The following CSMD1 variants were observed in gnomAD, a reference collection of about 807,000 sequenced individuals.
CSMD1 encodes the protein CUB and sushi domain-containing protein 1.
A neutral mutation model predicts 417.5 loss-of-function variants in CSMD1; 213 were observed. The observed-to-expected ratio is 0.51, with a 90% CI of 0.46 to 0.57. The LOEUF (loss-of-function observed/expected upper bound fraction) is 0.57, where lower values mean the gene tolerates loss of function less well. Among genes scored for constraint, CSMD1 ranks in the 20% least tolerant of loss-of-function variants. CSMD1 has a pLI of 0.00. For missense variants in CSMD1, 6,923 were observed against 4,529.7 expected, an observed-to-expected ratio of 1.53 and a Z score of -15.17; for synonymous variants, 2,862 against 1,736.8, an observed-to-expected ratio of 1.65 and a Z score of -16.11.
chr8:2,985,406 C>T lies in CSMD1; in HGVS notation c.8378-6606G>A, dbSNP rs537461013. Among the ~76,000 whole-genome samples, 51 of 150,316 alleles carry T rather than the reference C, an allele frequency of 3.4e-4. 1 individual carries two copies. Among genetic ancestry groups the T allele is most frequent in the Non-Finnish European group, 5.1e-4 (34 of 67,134 alleles). On this transcript the variant is annotated intron_variant, in intron 54 of 69. Transcript: ENST00000635120. ...GTGATACTGCTACACTGCTTCACCA[C>T]GTGAGGGAGGAGACTGGTGTGATAC... is the stretch of plus-strand genomic sequence containing the variant.
Position 3,697,766 on chromosome 8 carries a change from A to G in CSMD1, c.1009+10648T>C, listed in dbSNP as rs771338485. ...ATTTGATGAAAATTCATGTGTTACA[A>G]TGCACTTCTAAAAAGTAGTGATGGA... On this transcript the variant is annotated intron_variant, in intron 7 of 69. Transcript: ENST00000635120. Among the ~76,000 whole-genome samples, 15 of 152,282 alleles carry G rather than the reference A, an allele frequency of 9.9e-5. 1 individual carries two copies. Among genetic ancestry groups the G allele is most frequent in the Non-Finnish European group, 1.3e-4 (9 of 68,018 alleles).
At chr8:4,799,707 T>C (rs975612433) in intron 1 of CSMD1, among the ~76,000 whole-genome samples, 8 of 150,892 alleles carry the variant, frequency 5.3e-5, no homozygotes, top group African/African-American at 1.7e-4. Flanking sequence ...CAATACAATA[T>C]TTATTAAAAA....
chr8:3,992,188 T>C (rs910153992), intron 5 of CSMD1, among the ~76,000 whole-genome samples: 5 of 150,752 alleles, frequency 3.3e-5, no homozygotes, highest in Non-Finnish European at 7.4e-5. Flanking sequence ...TATAAATATA[T>C]TTACATTCAT....
At chr8:3,823,423 T>C (rs1018850915) in intron 5 of CSMD1, among the ~76,000 whole-genome samples, 2 of 152,162 alleles carry the variant, frequency 1.3e-5, no homozygotes, top group Non-Finnish European at 2.9e-5. Context: ...ATATTTCTTA[T>C]GCAAAATTTA....
At chr8:3,672,361 C>T (rs564116997) in intron 7 of CSMD1, among the ~76,000 whole-genome samples, 18 of 149,962 alleles carry the variant, frequency 1.2e-4, no homozygotes, top group South Asian at 4.2e-4. Context: ...TAGTGTGTGT[C>T]GGCATTTAGA....
At chr8:3,545,441 G>T (rs1481389782) in intron 10 of CSMD1, among the ~76,000 whole-genome samples, 2 of 152,148 alleles carry the variant, frequency 1.3e-5, no homozygotes, top group Admixed American at 1.3e-4. Flanking sequence ...CTGAAAAGCA[G>T]GTGCAAAACA....
intron 12 of CSMD1, among the ~76,000 whole-genome samples, chr8:3,465,760 G>A (rs77776397): frequency 0.016 from 2,360 of 152,218 alleles, 60 homozygotes; most frequent in African/African-American, 0.053. Context: ...TCTTAGGATG[G>A]AGTCTCAGAA....
chr8:2,961,816 A>T (rs918357712), intron 61 of CSMD1, among the ~76,000 whole-genome samples: 1 of 152,202 alleles, frequency 6.6e-6, no homozygotes, highest in Non-Finnish European at 1.5e-5. Flanking sequence ...ATCTAGAGTG[A>T]CTAACCTTCT....
intron 52 of CSMD1, among the ~76,000 whole-genome samples, chr8:3,003,682 G>T (rs1003248006): frequency 6.6e-6 from 1 of 152,214 alleles, no homozygotes; most frequent in Admixed American, 6.5e-5. Flanking sequence ...CAGAGGAGCA[G>T]CTGTCACGTG....
At chr8:3,452,306 A>T (rs543995973) in intron 12 of CSMD1, among the ~76,000 whole-genome samples, 2 of 152,250 alleles carry the variant, frequency 1.3e-5, no homozygotes, top group Non-Finnish European at 2.9e-5. Flanking sequence ...AATACCCTTT[A>T]TTTCCTTCTC....
At chr8:4,037,216 G>T (rs917830152) in intron 3 of CSMD1, among the ~76,000 whole-genome samples, 1 of 152,170 alleles carries the variant, frequency 6.6e-6, no homozygotes, top group Non-Finnish European at 1.5e-5. Flanking sequence ...TTTTGTAGAT[G>T]TTTTCTATGA....
chr8:4,881,280 T>G (rs1803379129), intron 1 of CSMD1, among the ~76,000 whole-genome samples: 4 of 152,158 alleles, frequency 2.6e-5, no homozygotes, highest in Admixed American at 2.6e-4. Flanking sequence ...ATTGCCAGAC[T>G]GTGCCCTCTA....
At chr8:4,442,343 A>T (rs1798534257) in intron 2 of CSMD1, among the ~76,000 whole-genome samples, 1 of 152,146 alleles carries the variant, frequency 6.6e-6, no homozygotes, top group African/African-American at 2.4e-5. Flanking sequence ...CTCCTTCCAA[A>T]CTATCCCATT....
intron 1 of CSMD1, among the ~76,000 whole-genome samples, chr8:4,790,595 C>T (rs572009503): frequency 8.5e-5 from 13 of 152,296 alleles, no homozygotes; most frequent in Middle Eastern, 6.8e-3. Context: ...AACCAAGCTA[C>T]AGTAACTAAA....
intron 5 of CSMD1, among the ~76,000 whole-genome samples, chr8:3,892,688 G>C (rs1275959447): frequency 2.0e-5 from 3 of 149,996 alleles, no homozygotes; most frequent in Non-Finnish European, 3.0e-5. Context: ...GAATTAAGTA[G>C]GCACTTATTT....
At chr8:4,280,268 A>T (rs754522687) in intron 3 of CSMD1, among the ~76,000 whole-genome samples, 58 of 152,334 alleles carry the variant, frequency 3.8e-4, no homozygotes, top group Non-Finnish European at 6.5e-4. Flanking sequence ...GCAGTATTTG[A>T]TATTAGCACG....
intron 7 of CSMD1, among the ~76,000 whole-genome samples, chr8:3,622,061 T>G (rs1167700252): frequency 6.6e-6 from 1 of 151,958 alleles, no homozygotes; most frequent in Non-Finnish European, 1.5e-5. Context: ...CTCTACTACT[T>G]TTCTCTTCAA....
At chr8:4,135,474 C>T (rs187801251) in intron 3 of CSMD1, among the ~76,000 whole-genome samples, 1 of 151,886 alleles carries the variant, frequency 6.6e-6, no homozygotes, top group East Asian at 1.9e-4. Context: ...ATATAACTTA[C>T]ACACTAAATA....
intron 2 of CSMD1, among the ~76,000 whole-genome samples, chr8:4,456,559 C>T (rs1202809345): frequency 6.6e-6 from 1 of 152,116 alleles, no homozygotes; most frequent in African/African-American, 2.4e-5. Context: ...TTGGGTAGAA[C>T]TGAAAACAGC....
Sources: allele counts gnomAD v4.1 joint callset (sites outside exome capture counted in the v4.1 genomes callset), GRCh38; gene constraint gnomAD v4.1.1; transcripts MANE v1.5; gene names NCBI Gene and HGNC (gene_info 2026-07-23, HGNC 2026-07-21).